The following PRKCE variants were observed in gnomAD, a reference collection of about 807,000 sequenced individuals.
PRKCE encodes the protein protein kinase C epsilon, also known as protein kinase C epsilon type.
PRKCE carries 16 observed loss-of-function variants against 85.4 expected under a neutral mutation model. The observed-to-expected ratio is 0.19, with a 90% CI of 0.13 to 0.28. PRKCE has a LOEUF of 0.28. Among genes scored for constraint, PRKCE ranks in the 10% least tolerant of loss-of-function variants. The pLI is 1.00. For synonymous variants in PRKCE, 388 were observed against 371.5 expected (o/e 1.04, Z -0.51); for missense variants, 573 against 975.2 (o/e 0.59, Z 5.49).
intron 2 of PRKCE, among the ~76,000 whole-genome samples, chr2:45,934,486 TA>T: frequency 6.6e-6 from 1 of 151,942 alleles, no homozygotes; most frequent in East Asian, 1.9e-4. Flanking sequence ...CCATCTCTAC[TA>T]AAAATACAAA....
intron 7 of PRKCE, among the ~76,000 whole-genome samples, chr2:46,003,702 G>A (rs61758276): frequency 0.025 from 3,762 of 152,292 alleles, 164 homozygotes; most frequent in African/African-American, 0.085. Context: ...TGCATTGCTT[G>A]GATAGGTGGA....
At chr2:46,165,388 G>A (rs1319077205) in intron 14 of PRKCE, among the ~76,000 whole-genome samples, 1 of 152,214 alleles carries the variant, frequency 6.6e-6, no homozygotes, top group Non-Finnish European at 1.5e-5. Flanking sequence ...TTTTCCGGGG[G>A]TGGCTTGCTT....
chr2:45,676,426 C>A (rs1558544798), intron 1 of PRKCE, among the ~76,000 whole-genome samples: 1 of 152,194 alleles, frequency 6.6e-6, no homozygotes, highest in Non-Finnish European at 1.5e-5. Context: ...GATACAGAGC[C>A]TTTTCCTCTC....
Position 46,145,154 on chromosome 2 carries a change from G to A in PRKCE, c.1654G>A (p.Gly552Arg). The change falls in exon 12 of 15, where the codon GGG becomes AGG. Residue 552 changes from glycine (G) to arginine (R), a missense_variant. By Grantham distance (125) the Gly-to-Arg change is moderately radical (BLOSUM62 -2). Coordinates refer to ENST00000306156, the MANE Select transcript of PRKCE (RefSeq NM_005400.3). This position sits in a 1 kb window ranked among gnomAD's most constrained non-coding sequence, Gnocchi z 4.6. ...AGGTCACTGCAAGCTGGCTGACTTC[G>A]GGATGTGCAAGGAAGGGATTCTGAA... ...AEGHCKLADFGMCKEGILNGV... is the reference protein window; with the variant it reads ...AEGHCKLADFRMCKEGILNGV... The A allele has an allele frequency of 6.3e-7, 1 of 1,599,700 alleles. No individual in the cohort carries two copies. The highest frequency in any genetic ancestry group is 8.5e-7 in the Non-Finnish European group (1 of 1,179,942).
intron 2 of PRKCE, among the ~76,000 whole-genome samples, chr2:45,860,964 T>A (rs753012696): frequency 7.2e-5 from 11 of 152,128 alleles, no homozygotes. Flanking sequence ...TGGGAACCAG[T>A]GAATAACGCA....
rs41311597 is a variant in PRKCE at position 45,697,873 on chromosome 2, T to C, written c.348+45425T>C. On this transcript the variant is annotated intron_variant, in intron 1 of 14. Transcript: ENST00000306156. This position sits in a 1 kb window ranked among gnomAD's most constrained non-coding sequence, Gnocchi z 4.2. Reference sequence around the variant, plus strand: ...TGGAATTTATCCCCAGATTCTTTAATTGGATGTAGTTTTTTTTTACATTGG... The same window carrying C: ...TGGAATTTATCCCCAGATTCTTTAACTGGATGTAGTTTTTTTTTACATTGG... 0.012 allele frequency: 1,777 copies of C among 152,712 alleles called. 10 individuals carry two copies. Among genetic ancestry groups the C allele is most frequent in the Middle Eastern group, 0.024 (7 of 294 alleles). The allele number at this position is 152,712 out of a possible 1,614,324, so 9.5% of individuals were successfully genotyped here. A position where few individuals can be genotyped will look rare whatever the true frequency, so the allele number is the denominator to read the frequency against.
Position 45,914,406 on chromosome 2 carries a change from G to T in PRKCE, c.413-62023G>T, listed in dbSNP as rs572595580. On this transcript the variant is annotated intron_variant, in intron 2 of 14. Transcript: ENST00000306156. ...CGATGTGTGGTCCAGAGGGCTGGTG[G>T]CTCCCTGGGTCTGGAGCTCAGGAGT... 5.9e-5 allele frequency among the ~76,000 whole-genome samples: 9 copies of T among 152,332 alleles called. No individual in the cohort carries two copies. The South Asian group carries it at 1.9e-3, about 32-fold the overall frequency.
At chr2:45,807,791 ATC>A (rs936589712) in intron 1 of PRKCE, among the ~76,000 whole-genome samples, 1 of 151,918 alleles carries the variant, frequency 6.6e-6, no homozygotes, top group African/African-American at 2.4e-5. Context: ...GAGCCCAGCA[ATC>A]TCTGCTTTAC....
intron 2 of PRKCE, among the ~76,000 whole-genome samples, chr2:45,967,248 G>T (rs1701793531): frequency 6.6e-6 from 1 of 152,176 alleles, no homozygotes; most frequent in South Asian, 2.1e-4. Flanking sequence ...GGTCATAGGA[G>T]GAGAAAACCC....
chr2:45,812,159 C>T (rs939035892), intron 1 of PRKCE, among the ~76,000 whole-genome samples: 2 of 152,210 alleles, frequency 1.3e-5, no homozygotes, highest in Non-Finnish European at 2.9e-5. Flanking sequence ...GTGAAACAGG[C>T]TTCACTACAC....
intron 1 of PRKCE, among the ~76,000 whole-genome samples, chr2:45,732,397 G>A (rs910427454): frequency 2.0e-5 from 3 of 152,136 alleles, no homozygotes; most frequent in Non-Finnish European, 4.4e-5. Flanking sequence ...TTATGTTTCA[G>A]AGTACCTATC....
chr2:45,825,710 C>G (rs761255716), intron 1 of PRKCE, among the ~76,000 whole-genome samples: 1 of 151,978 alleles, frequency 6.6e-6, no homozygotes, highest in Non-Finnish European at 1.5e-5. Context: ...GTAGCGAGAC[C>G]CTATCTCTAC....
intron 11 of PRKCE, among the ~76,000 whole-genome samples, chr2:46,143,843 G>T (rs1675799540): frequency 6.6e-6 from 1 of 152,198 alleles, no homozygotes; most frequent in Admixed American, 6.5e-5. Flanking sequence ...GTGGAAACGG[G>T]GTCGTGGCTA....
chr2:45,781,041 C>G (rs1686138108), intron 1 of PRKCE, among the ~76,000 whole-genome samples: 1 of 152,038 alleles, frequency 6.6e-6, no homozygotes, highest in South Asian at 2.1e-4. Context: ...ATTTAGAAAT[C>G]AAATGACTAG....
intron 2 of PRKCE, among the ~76,000 whole-genome samples, chr2:45,860,696 G>A (rs748357836): frequency 1.2e-4 from 19 of 152,192 alleles, no homozygotes; most frequent in Non-Finnish European, 4.4e-5. Context: ...GATGTTCACC[G>A]CTGAAGTCTC....
intron 12 of PRKCE, among the ~76,000 whole-genome samples, chr2:46,148,963 A>G (rs1676346875): frequency 6.6e-6 from 1 of 152,220 alleles, no homozygotes; most frequent in African/African-American, 2.4e-5. Context: ...CTGGGCTTAG[A>G]CCAAAGGTAT....
intron 2 of PRKCE, among the ~76,000 whole-genome samples, chr2:45,929,706 C>G (rs1448392721): frequency 1.3e-5 from 2 of 152,080 alleles, no homozygotes; most frequent in Admixed American, 1.3e-4. Context: ...TCTTCCTGTT[C>G]CATCCCCATC....
Position 45,697,313 on chromosome 2 carries a change from T to C in PRKCE, c.348+44865T>C, listed in dbSNP as rs2104165091. ...GCTTGGCTCTGGTCCGGAGGTTTTA[T>C]GGGGGATCTGGAGAGCTCTGGTCTG... is the stretch of plus-strand genomic sequence containing the variant. On this transcript the variant is annotated intron_variant, in intron 1 of 14. Coordinates refer to ENST00000306156, the MANE Select transcript of PRKCE (RefSeq NM_005400.3). The surrounding 1 kb of genome is among the most constrained non-coding windows in gnomAD (Gnocchi z 4.2). 6.6e-6 allele frequency among the ~76,000 whole-genome samples: 1 copy of C among 152,246 alleles called. No individual in the cohort carries two copies. The highest frequency in any genetic ancestry group is 6.5e-5 in the Admixed American group (1 of 15,292).
intron 10 of PRKCE, among the ~76,000 whole-genome samples, chr2:46,081,154 G>A (rs956701201): frequency 1.3e-5 from 2 of 152,074 alleles, no homozygotes; most frequent in Non-Finnish European, 2.9e-5. Flanking sequence ...ACGATGCCTG[G>A]CTAACTTTTT....
Sources: allele counts gnomAD v4.1 joint callset (sites outside exome capture counted in the v4.1 genomes callset), GRCh38; gene constraint gnomAD v4.1.1; non-coding constraint Gnocchi (gnomAD v3.1); transcripts MANE v1.5; gene names NCBI Gene and HGNC (gene_info 2026-07-23, HGNC 2026-07-21).